WDR48: variants seen among roughly 807,000 people sequenced by gnomAD.
The protein encoded by WDR48 is WD repeat-containing protein 48.
WDR48 carries 22 observed loss-of-function variants against 94.0 expected under a neutral mutation model. The observed-to-expected ratio is 0.23, with a 90% CI of 0.17 to 0.33. The LOEUF (loss-of-function observed/expected upper bound fraction) is 0.33, where lower values mean the gene tolerates loss of function less well. Ranked by LOEUF, WDR48 falls within the 10% of genes least tolerant of loss-of-function variation. WDR48 has a pLI of 1.00. For synonymous variants in WDR48, 278 were observed against 280.5 expected (o/e 0.99, Z 0.09); for missense variants, 541 against 813.8 (o/e 0.66, Z 4.08).
In WDR48 at chr3:39,087,885, A is replaced by G. The variant is rs2034892227; in HGVS notation, c.1475-243A>G. 2.3e-5 allele frequency: 10 copies of G among 443,448 alleles called. 1 individual carries two copies. The Admixed American group carries it at 3.3e-4, about 15-fold the overall frequency. 27.5% of individuals were successfully genotyped at this position (443,448 alleles called of 1,614,324 possible). A position where few individuals can be genotyped will look rare whatever the true frequency, so the allele number is the denominator to read the frequency against. On this transcript the variant is annotated intron_variant, in intron 14 of 18. Coordinates refer to ENST00000302313, the MANE Select transcript of WDR48 (RefSeq NM_020839.4). ...TATGTTTTTGTTCTGAATCTCAAAC[A>G]TTAATCTCTTTTATTAAAATCCTCT...
intron 11 of WDR48, among the ~76,000 whole-genome samples, chr3:39,083,304 A>G (rs1279411091): frequency 6.6e-6 from 1 of 152,096 alleles, no homozygotes; most frequent in African/African-American, 2.4e-5. Flanking sequence ...GGCCAAAGGA[A>G]GCTTTTGATT....
intron 18 of WDR48, chr3:39,094,379 T>C: frequency 6.8e-7 from 1 of 1,468,428 alleles, no homozygotes; most frequent in Non-Finnish European, 9.0e-7. Flanking sequence ...ATGGCAGAAC[T>C]GTTTTTTAAA....
Position 39,094,726 on chromosome 3 carries a change from C to T in WDR48, c.2017C>T (p.Arg673Cys), listed in dbSNP as rs765064556. 3.7e-6 allele frequency: 6 copies of T among 1,614,042 alleles called. No individual in the cohort carries two copies. The highest frequency in any genetic ancestry group is 5.1e-6 in the Non-Finnish European group (6 of 1,180,014). Reference protein sequence around the residue: ...KSGGDLTLHYRQKST With the variant: ...KSGGDLTLHYCQKST ...CGGTGGAGACCTCACCCTCCATTAC[C>T]GTCAGAAGTCCACGTGAAGGCTGGG... The change falls in exon 19 of 19, where the codon CGT becomes TGT. Residue 673 changes from arginine to cysteine, a missense_variant. This residue lies in a region of WDR48 where 109 missense variants were observed against 195.5 expected (regional missense o/e 0.56). Transcript: ENST00000302313.
At chr3:39,094,451 CAT>C in intron 18 of WDR48, 195 bp from the exon 19 acceptor site, 1 of 1,531,906 alleles carries the variant, frequency 6.5e-7, no homozygotes. Flanking sequence ...GTGTTTCTGG[CAT>C]AGTCACAAAA....
intron 13 of WDR48, 36 bp from the exon 14 acceptor site, chr3:39,085,479 T>C: frequency 1.9e-6 from 3 of 1,545,602 alleles, no homozygotes; most frequent in Non-Finnish European, 2.7e-6. Context: ...TAACTCGCTT[T>C]TCCATTTTAT....
chr3:39,063,200 G>T lies in WDR48; in HGVS notation c.189+10G>T. On this transcript the variant is annotated intron_variant, in intron 2 of 18. Transcript: ENST00000302313. Reference sequence around the variant, plus strand: ...TGTCAATCAGCACAAGGTAATGCAGGGATTAAAATCTGTACCCAGCAAATT... The same window carrying T: ...TGTCAATCAGCACAAGGTAATGCAGTGATTAAAATCTGTACCCAGCAAATT... The T allele has an allele frequency of 6.2e-7, 1 of 1,610,800 alleles. No individual in the cohort carries two copies. Among genetic ancestry groups the T allele is most frequent in the South Asian group, 1.1e-5 (1 of 90,384 alleles).
At chr3:39,094,516 CA>C (rs1432397485) in intron 18 of WDR48, 131 bp from the exon 19 acceptor site, 1 of 1,539,592 alleles carries the variant, frequency 6.5e-7, no homozygotes, top group Admixed American at 2.0e-5. Context: ...GAAGCCGTGA[CA>C]GCAAGAATTG....
rs116274141 is a variant in WDR48 at position 39,075,052 on chromosome 3, C to T, written c.897+102C>T. The stretch of plus-strand genomic sequence containing the variant: ...TAAAACATGACTCAACTGCAGGGTT[C>T]GGAGGGGGAAGGTTTGTAAAAAAGA... On this transcript the variant is annotated intron_variant, in intron 8 of 18. Coordinates refer to ENST00000302313, the MANE Select transcript of WDR48 (RefSeq NM_020839.4). The T allele has an allele frequency of 1.7e-3, 2,014 of 1,162,150 alleles. 19 individuals are homozygous for T. In the African/African-American group the frequency reaches 0.026, roughly 15 times the overall value. The allele number at this position is 1,162,150 out of a possible 1,614,324, so 72.0% of individuals were successfully genotyped here. A position where few individuals can be genotyped will look rare whatever the true frequency, so the allele number is the denominator to read the frequency against.
rs867756932 is a variant in WDR48 at position 39,057,856 on chromosome 3, C to T, written c.49-5194C>T. Among the ~76,000 whole-genome samples the T allele has an allele frequency of 4.6e-5, 7 of 152,152 alleles. No individual in the cohort carries two copies. In the South Asian group the frequency reaches 6.2e-4, roughly 14 times the overall value. ...CAGGATGGTCTTGATCTCCTGACCT[C>T]GTGATCTGCCCGCCTTGGCCTCCCA... is the stretch of plus-strand genomic sequence containing the variant. On this transcript the variant is annotated intron_variant, in intron 1 of 18. Transcript: ENST00000302313.
intron 13 of WDR48, 85 bp downstream of exon 13, chr3:39,084,826 T>TA: frequency 1.8e-6 from 2 of 1,128,084 alleles, no homozygotes; most frequent in South Asian, 2.9e-5. Context: ...CTTATCTTTG[T>TA]AAAAGTTCTC....
At chr3:39,054,793 C>A (rs950517714) in intron 1 of WDR48, among the ~76,000 whole-genome samples, 8 of 152,050 alleles carry the variant, frequency 5.3e-5, no homozygotes, top group Admixed American at 4.6e-4. Flanking sequence ...GTGCTAGGAT[C>A]TGCTCGTCTT....
At chr3:39,088,308 T>C (rs2034918548) in intron 15 of WDR48, 75 bp downstream of exon 15, 1 of 1,364,586 alleles carries the variant, frequency 7.3e-7, no homozygotes, top group Non-Finnish European at 1.0e-6. Flanking sequence ...TCAAACTCAG[T>C]ATTTCGATAT....
At chr3:39,094,572 G>C (rs767050561) in intron 18 of WDR48, 76 bp from the exon 19 acceptor site, 8 of 1,583,242 alleles carry the variant, frequency 5.1e-6, no homozygotes, top group Admixed American at 3.5e-5. Context: ...ATCACCTGAT[G>C]AGAGTCCCTG....
At chr3:39,054,297 A>G (rs138360909) in intron 1 of WDR48, among the ~76,000 whole-genome samples, 21 of 152,334 alleles carry the variant, frequency 1.4e-4, no homozygotes, top group African/African-American at 4.8e-4. Flanking sequence ...TTTCATCTGG[A>G]TAATTCTTCG....
chr3:39,078,773 G>A (rs1317608623), intron 10 of WDR48, among the ~76,000 whole-genome samples: 1 of 140,970 alleles, frequency 7.1e-6, no homozygotes, highest in African/African-American at 2.5e-5. Context: ...TGGCTCGCCT[G>A]TAATCCCAGC....
At chr3:39,083,907 G>A (rs1173477141) in intron 11 of WDR48, among the ~76,000 whole-genome samples, 1 of 151,932 alleles carries the variant, frequency 6.6e-6, no homozygotes, top group Non-Finnish European at 1.5e-5. Context: ...AAGATGAGGT[G>A]GTATATTATA....
Position 39,096,032 on chromosome 3 carries a change from G to T in WDR48, c.*1289G>T, listed in dbSNP as rs1455502304. On this transcript the variant is annotated 3_prime_UTR_variant, in exon 19 of 19. Coordinates refer to ENST00000302313, the MANE Select transcript of WDR48 (RefSeq NM_020839.4). ...GTGTGGCCTGCCTCCACCATAGCAG[G>T]GACTAGGGAGGGAGGCAGGGAACGT... 6.6e-6 allele frequency: 1 copy of T among 152,636 alleles called. No individual in the cohort carries two copies. Among genetic ancestry groups the T allele is most frequent in the African/African-American group, 2.4e-5 (1 of 41,452 alleles). 9.5% of individuals were successfully genotyped at this position (152,636 alleles called of 1,614,324 possible).
chr3:39,076,444 G>A (rs1484258747), intron 8 of WDR48, among the ~76,000 whole-genome samples: 2 of 152,168 alleles, frequency 1.3e-5, no homozygotes, highest in East Asian at 1.9e-4. Flanking sequence ...GGCTGTGGGG[G>A]AAAGACTGAA....
intron 9 of WDR48, 189 bp from the exon 10 acceptor site, chr3:39,077,948 C>T: frequency 3.9e-6 from 2 of 509,388 alleles, no homozygotes; most frequent in Non-Finnish European, 3.5e-6. Context: ...GACAATATTC[C>T]CTTCTTAAAA....
Sources: allele counts gnomAD v4.1 joint callset (sites outside exome capture counted in the v4.1 genomes callset), GRCh38; gene constraint gnomAD v4.1.1; regional missense constraint gnomAD v4.1.1; transcripts MANE v1.5; gene names NCBI Gene and HGNC (gene_info 2026-07-23, HGNC 2026-07-21).